Variants in PLPP4 observed in about 807,000 individuals in gnomAD.
PLPP4 encodes diacylglycerol pyrophosphate like 2.
Under a neutral mutation model 32.2 loss-of-function variants are expected in PLPP4, and 20 were observed. The ratio of observed to expected loss-of-function variants is 0.62; its 90% CI spans 0.44 to 0.90. The LOEUF (loss-of-function observed/expected upper bound fraction) is 0.90. Ranked by LOEUF, PLPP4 falls within the 40% of genes least tolerant of loss-of-function variation. PLPP4 has a pLI of 0.00. For missense variants in PLPP4, 257 were observed against 353.1 expected (o/e 0.73, Z 2.18); for synonymous variants, 127 against 133.0 (o/e 0.95, Z 0.31).
intron 1 of PLPP4, among the ~76,000 whole-genome samples, chr10:120,462,209 G>T (rs1848082157): frequency 6.6e-6 from 1 of 151,802 alleles, no homozygotes; most frequent in South Asian, 2.1e-4. Context: ...CACCAAGTGT[G>T]GCCTCAGTGT....
intron 5 of PLPP4, among the ~76,000 whole-genome samples, chr10:120,557,180 T>C (rs1848200526): frequency 2.0e-5 from 3 of 152,034 alleles, no homozygotes; most frequent in Non-Finnish European, 4.4e-5. Context: ...ACAGGAAAAA[T>C]AGGAATGAAA....
At chr10:120,567,865 A>G (rs1848760612) in intron 5 of PLPP4, among the ~76,000 whole-genome samples, 1 of 152,246 alleles carries the variant, frequency 6.6e-6, no homozygotes, top group African/African-American at 2.4e-5. Context: ...TAATGGAAAG[A>G]CAGACTTTGC....
At chr10:120,493,153 G>C (rs1361375277) in intron 1 of PLPP4, among the ~76,000 whole-genome samples, 1 of 152,010 alleles carries the variant, frequency 6.6e-6, no homozygotes, top group African/African-American at 2.4e-5. Context: ...GGTTTGTTTT[G>C]ACCCAAGACC....
Position 120,507,405 on chromosome 10 carries a change from A to G in PLPP4, c.165+3479A>G, listed in dbSNP as rs190387781. Among the ~76,000 whole-genome samples, 333 of 150,242 alleles carry G rather than the reference A, an allele frequency of 2.2e-3. 2 individuals carry two copies. The highest frequency in any genetic ancestry group is 3.1e-3 in the Non-Finnish European group (207 of 67,468). On this transcript the variant is annotated intron_variant, in intron 2 of 6. Coordinates refer to ENST00000398250, the MANE Select transcript of PLPP4 (RefSeq NM_001030059.3). ...ATCATCATTATCATCATCATCATCAACAACAGTAAACATTTCTTGAATTCA... is the reference window on the plus strand; with the variant it reads ...ATCATCATTATCATCATCATCATCAGCAACAGTAAACATTTCTTGAATTCA...
At chr10:120,580,743 T>G (rs1258929135) in intron 6 of PLPP4, among the ~76,000 whole-genome samples, 1 of 151,896 alleles carries the variant, frequency 6.6e-6, no homozygotes, top group African/African-American at 2.4e-5. Flanking sequence ...AATCTGTAGA[T>G]TTTCTAAATG....
chr10:120,495,146 T>C (rs1431314372), intron 1 of PLPP4, among the ~76,000 whole-genome samples: 1 of 152,174 alleles, frequency 6.6e-6, no homozygotes, highest in African/African-American at 2.4e-5. Flanking sequence ...ATTTCTAAAA[T>C]AGGAATAATG....
Position 120,565,277 on chromosome 10 carries a change from A to G in PLPP4, c.446-9854A>G, listed in dbSNP as rs375831113. Among the ~76,000 whole-genome samples, 33 of 151,566 alleles carry G rather than the reference A, an allele frequency of 2.2e-4. 1 individual carries two copies. In the South Asian group the frequency reaches 4.2e-3, roughly 19 times the overall value. ...GTATCAGCCTTACAACTTTCTGCCT[A>G]AAACATATCCCTTACATTTCCTTTG... is the stretch of plus-strand genomic sequence containing the variant. On this transcript the variant is annotated intron_variant, in intron 5 of 6. Transcript: ENST00000398250.
At chr10:120,560,018 C>T (rs879787021) in intron 5 of PLPP4, among the ~76,000 whole-genome samples, 16 of 152,140 alleles carry the variant, frequency 1.1e-4, no homozygotes, top group African/African-American at 3.6e-4. Flanking sequence ...CCTAAAACAC[C>T]GTGTGGCGCT....
At chr10:120,461,105 C>T (rs756967679) in intron 1 of PLPP4, among the ~76,000 whole-genome samples, 6 of 152,196 alleles carry the variant, frequency 3.9e-5, no homozygotes, top group Admixed American at 3.3e-4. Flanking sequence ...GTCACTGTAG[C>T]TCTAAAATCT....
intron 5 of PLPP4, among the ~76,000 whole-genome samples, chr10:120,567,239 A>G (rs193253562): frequency 6.6e-6 from 1 of 152,324 alleles, no homozygotes; most frequent in East Asian, 1.9e-4. Context: ...GTATTCTTGT[A>G]TTTGAAAAGG....
chr10:120,571,335 C>G (rs576807695), intron 5 of PLPP4, among the ~76,000 whole-genome samples: 46 of 152,044 alleles, frequency 3.0e-4, no homozygotes, highest in African/African-American at 1.0e-3. Flanking sequence ...TTTGAATGCT[C>G]TTGTCTCAGT....
intron 2 of PLPP4, among the ~76,000 whole-genome samples, chr10:120,506,270 T>C (rs894259955): frequency 6.6e-6 from 1 of 152,332 alleles, no homozygotes; most frequent in African/African-American, 2.4e-5. Flanking sequence ...AATTCCATAA[T>C]AACATAAGGA....
At chr10:120,589,162 T>G in intron 6 of PLPP4, 141 bp from the exon 7 acceptor site, 1 of 730,300 alleles carries the variant, frequency 1.4e-6, no homozygotes. Flanking sequence ...CCACTGTGGT[T>G]TCTTTCCTTT....
At chr10:120,547,152 T>G (rs1334282823) in intron 5 of PLPP4, among the ~76,000 whole-genome samples, 1 of 152,142 alleles carries the variant, frequency 6.6e-6, no homozygotes, top group Admixed American at 6.5e-5. Flanking sequence ...GTTATTTTTC[T>G]TCATTTTCTA....
Position 120,588,430 on chromosome 10 carries a change from G to A in PLPP4, c.617-873G>A, listed in dbSNP as rs151194438. On this transcript the variant is annotated intron_variant, in intron 6 of 6. Transcript: ENST00000398250. Reference sequence around the variant, plus strand: ...TCTGTTAGAGAATTGAGTCCTTCCCGCCAGAGGTCTGCTGAGTTTGCCAAC... The same window carrying A: ...TCTGTTAGAGAATTGAGTCCTTCCCACCAGAGGTCTGCTGAGTTTGCCAAC... Among the ~76,000 whole-genome samples the A allele has an allele frequency of 3.0e-3, 451 of 152,214 alleles. 2 individuals carry two copies. The highest frequency in any genetic ancestry group is 0.01 in the African/African-American group (421 of 41,532).
intron 1 of PLPP4, among the ~76,000 whole-genome samples, chr10:120,497,877 A>T (rs1297655309): frequency 1.3e-5 from 2 of 152,024 alleles, no homozygotes; most frequent in Non-Finnish European, 2.9e-5. Flanking sequence ...CGTCTCTACT[A>T]AAAATACAAA....
Position 120,477,366 on chromosome 10 carries a change from TAA to T in PLPP4, c.56+20019_56+20020del, listed in dbSNP as rs74603489. Among the ~76,000 whole-genome samples, 202 of 140,192 alleles carry T rather than the reference TAA, an allele frequency of 1.4e-3. 2 individuals carry two copies. The highest frequency in any genetic ancestry group is 4.5e-3 in the African/African-American group (173 of 38,670). The allele number at this position is 140,192 out of a possible 152,430, so 92.0% of individuals were successfully genotyped here. On this transcript the variant is annotated intron_variant, in intron 1 of 6. Transcript: ENST00000398250. The stretch of plus-strand genomic sequence containing the variant: ...TCGAATAATTGTAATTATTTCAAGT[TAA>T]AAAAAAAAAAAAACAGAAGAAAAGA...
intron 1 of PLPP4, among the ~76,000 whole-genome samples, chr10:120,502,749 C>G (rs1466811574): frequency 1.3e-5 from 2 of 152,186 alleles, no homozygotes; most frequent in Non-Finnish European, 2.9e-5. Flanking sequence ...ACCAACTGTT[C>G]TGGTTTGCTC....
intron 1 of PLPP4, among the ~76,000 whole-genome samples, chr10:120,500,506 C>T (rs2133859402): frequency 6.6e-6 from 1 of 152,236 alleles, no homozygotes; most frequent in East Asian, 1.9e-4. Flanking sequence ...CTAGACTGAG[C>T]TTAGGACTCA....
Sources: gnomAD v4.1 joint callset for allele counts (sites outside exome capture counted in the v4.1 genomes callset) on GRCh38, gnomAD v4.1.1 for gene constraint, MANE v1.5 for transcripts, NCBI Gene and HGNC (gene_info 2026-07-23, HGNC 2026-07-21) for gene names.